SART3: variants seen among roughly 807,000 people sequenced by gnomAD.
SART3 encodes the protein spliceosome associated factor 3, U4/U6 recycling protein.
In SART3, 44 loss-of-function variants were observed where a neutral mutation model predicts 122.3. The observed-to-expected ratio is 0.36, with a 90% CI of 0.28 to 0.46. SART3 has a LOEUF of 0.46. Among genes scored for constraint, SART3 ranks in the 20% least tolerant of loss-of-function variants. SART3 has a pLI of 1.00. For missense variants in SART3, 1,101 were observed against 1,229.0 expected, an observed-to-expected ratio of 0.90 and a Z score of 1.56; for synonymous variants, 442 against 454.0, an observed-to-expected ratio of 0.97 and a Z score of 0.34.
rs576034988 is a variant in SART3, at chr12:108,549,189, T to C, written c.338A>G (p.Asn113Ser). The change falls in exon 2 of 19, where the codon AAC (asparagine) becomes AGC (serine). Residue 113 changes from asparagine to serine, a missense_variant. Coordinates refer to ENST00000546815, the MANE Select transcript of SART3 (RefSeq NM_014706.4). The part of the protein sequence containing the change: ...EQLSINVYDY[N>S]CHVDLIRLLR... ...CAGTCTGATCAAGTCCACATGGCAG[T>C]TGTAGTCATAGACGTTGATAGACAA... 17 of 1,614,222 alleles carry C rather than the reference T, an allele frequency of 1.1e-5. No individual in the cohort carries two copies. The East Asian group carries it at 1.1e-4, about 11-fold the overall frequency.
At chr12:108,527,614 A>G (rs1388911761) in intron 15 of SART3, among the ~76,000 whole-genome samples, 2 of 152,240 alleles carry the variant, frequency 1.3e-5, no homozygotes, top group Non-Finnish European at 2.9e-5. Context: ...TGGAGCAATG[A>G]GCCATCCTCA....
intron 1 of SART3, among the ~76,000 whole-genome samples, chr12:108,556,373 C>T (rs2030219175): frequency 6.6e-6 from 1 of 152,202 alleles, no homozygotes; most frequent in African/African-American, 2.4e-5. Context: ...GCTAGGACTA[C>T]AGGTGTGAGC....
At position 108,539,085 on chromosome 12, in the gene SART3, T is replaced by C; in HGVS notation, c.911A>G (p.Gln304Arg). ...TTCTGCCAGCCTTGGTGCCTCTGCC[T>C]GCAACTGGAGTACAGGAAAATTGTA... ...KYKPYEEALL[Q>R]AEAPRLAEYQ... Residue 304 changes from glutamine (Q) to arginine (R), a missense_variant, in exon 7 of 19, where the codon CAG becomes CGG. Gln to Arg is a conservative substitution (Grantham distance 43). Coordinates refer to ENST00000546815, the MANE Select transcript of SART3 (RefSeq NM_014706.4). 1 of 1,614,166 alleles carries C rather than the reference T, an allele frequency of 6.2e-7. No homozygotes were observed. Among genetic ancestry groups the C allele is most frequent in the East Asian group, 2.2e-5 (1 of 44,888 alleles).
rs371102614 is a variant in SART3, at chr12:108,561,112, C to T, written c.43G>A (p.Glu15Lys). 24 of 1,613,760 alleles carry T rather than the reference C, an allele frequency of 1.5e-5. No homozygotes were observed. The African/African-American group carries it at 2.7e-4, about 18-fold the overall frequency. The change falls in exon 1 of 19, where the codon GAG becomes AAG. Residue 15 changes from glutamate to lysine, a missense_variant. This residue lies in a region of SART3 where 216 missense variants were observed against 148.9 expected (regional missense o/e 1.45). Coordinates refer to ENST00000546815, the MANE Select transcript of SART3 (RefSeq NM_014706.4). The part of the protein sequence containing the change: ...AETSASEPEA[E>K]SKAGPKADGE... ...TCAGCCTTGGGCCCAGCCTTGGACT[C>T]AGCCTCGGGTTCTGAAGCCGAGGTT...
chr12:108,546,580 GCACAATCTCGGCC>G (rs1259725711), intron 3 of SART3, among the ~76,000 whole-genome samples: 1 of 150,200 alleles, frequency 6.7e-6, no homozygotes, highest in East Asian at 2.0e-4. Flanking sequence ...GAGTACAGTG[GCACAATCTCGGCC>G]CACTGCAACC....
intron 1 of SART3, among the ~76,000 whole-genome samples, chr12:108,551,082 A>C (rs2029990552): frequency 6.6e-6 from 1 of 152,222 alleles, no homozygotes; most frequent in Admixed American, 6.5e-5. Context: ...CTATATGGTG[A>C]GTACAAGAAA....
At chr12:108,545,928 A>G (rs1042470501) in intron 3 of SART3, among the ~76,000 whole-genome samples, 6 of 143,200 alleles carry the variant, frequency 4.2e-5, no homozygotes, top group African/African-American at 1.5e-4. Flanking sequence ...AGATCACACC[A>G]CTGCACTCCA....
chr12:108,551,345 A>C (rs2030001433), intron 1 of SART3, among the ~76,000 whole-genome samples: 1 of 152,224 alleles, frequency 6.6e-6, no homozygotes, highest in Admixed American at 6.5e-5. Context: ...TTCATGAAGC[A>C]AAAACTATTA....
At chr12:108,527,025 T>C (rs918631796) in intron 15 of SART3, among the ~76,000 whole-genome samples, 2 of 152,236 alleles carry the variant, frequency 1.3e-5, no homozygotes, top group Non-Finnish European at 2.9e-5. Flanking sequence ...TATGGCCTTG[T>C]GTCCTTAAGA....
intron 1 of SART3, among the ~76,000 whole-genome samples, chr12:108,552,546 A>AAC (rs2030053635): frequency 6.6e-6 from 1 of 151,738 alleles, no homozygotes; most frequent in African/African-American, 2.4e-5. Flanking sequence ...CAAAAACAAA[A>AAC]AAAAAAACAA....
At position 108,530,724 on chromosome 12, in the gene SART3, A is replaced by G. The variant is rs1872643215; in HGVS notation, c.1747-414T>C. On this transcript the variant is annotated intron_variant, in intron 14 of 18. Coordinates refer to ENST00000546815, the MANE Select transcript of SART3 (RefSeq NM_014706.4). ...ATACAAAAAATTAGCTAGGTGTGGT[A>G]GCGGGCACCTGTAGTCCCAGCTACT... 2.0e-5 allele frequency among the ~76,000 whole-genome samples: 3 copies of G among 152,112 alleles called. No homozygotes were observed. The South Asian group carries it at 6.2e-4, about 32-fold the overall frequency.
At position 108,560,891 on chromosome 12, in the gene SART3, G is replaced by A. The variant is rs374348997; in HGVS notation, c.264C>T (p.Asp88=). The change falls in exon 1 of 19, where the codon GAC becomes GAT. Residue 88 remains aspartate (D), a synonymous_variant. Transcript: ENST00000546815. ...CCAGCTGGTTTTTCTCCTCCTCTTC[G>A]TCATATTCCCACTCGTACTCCCCGG... ...SSPGEYEWEY[D]EEEEKNQLEI... is the part of the protein sequence containing the mutation. 22 of 1,610,352 alleles carry A rather than the reference G, an allele frequency of 1.4e-5. No individual in the cohort carries two copies. The highest frequency in any genetic ancestry group is 1.3e-5 in the African/African-American group (1 of 74,794).
intron 1 of SART3, among the ~76,000 whole-genome samples, chr12:108,554,396 A>C (rs564470579): frequency 6.6e-6 from 1 of 152,254 alleles, no homozygotes; most frequent in African/African-American, 2.4e-5. Flanking sequence ...TAAAGAGAAC[A>C]ATACATAATG....
chr12:108,544,918 T>C lies in SART3; in HGVS notation c.729+221A>G, dbSNP rs1873332348. 9.8e-6 allele frequency: 6 copies of C among 614,826 alleles called. No individual in the cohort carries two copies. In the South Asian group the frequency reaches 1.2e-4, roughly 12 times the overall value. The allele number at this position is 614,826 out of a possible 1,614,324, so 38.1% of individuals were successfully genotyped here. A position where few individuals can be genotyped will look rare whatever the true frequency, so the allele number is the denominator to read the frequency against. Reference sequence around the variant, plus strand: ...ATCTCAACAAATTTTCAGTTCAAGCTAAAAAAATTTATACGACCTCTTCCA... The same window carrying C: ...ATCTCAACAAATTTTCAGTTCAAGCCAAAAAAATTTATACGACCTCTTCCA... On this transcript the variant is annotated intron_variant, in intron 4 of 18. Coordinates refer to ENST00000546815, the MANE Select transcript of SART3 (RefSeq NM_014706.4).
At chr12:108,557,171 G>A (rs7134673) in intron 1 of SART3, among the ~76,000 whole-genome samples, 110,471 of 148,466 alleles carry the variant, frequency 0.74, 42,870 homozygotes, top group East Asian at 0.92. Context: ...ACATATGCTG[G>A]TCTATTCTGG....
At chr12:108,547,768 G>A in intron 3 of SART3, 119 bp downstream of exon 3, 1 of 726,762 alleles carries the variant, frequency 1.4e-6, no homozygotes, top group South Asian at 1.5e-5. Flanking sequence ...CTTAAATCTT[G>A]CTAATTGTGA....
intron 11 of SART3, 152 bp from the exon 12 acceptor site, chr12:108,535,620 G>GT: frequency 5.6e-6 from 4 of 715,144 alleles, no homozygotes; most frequent in Non-Finnish European, 1.0e-5. Flanking sequence ...CCCTCCAGTG[G>GT]TAAACGACCC....
intron 18 of SART3, chr12:108,523,946 A>G: frequency 1.8e-6 from 1 of 560,404 alleles, no homozygotes. Flanking sequence ...ATCCCAAACC[A>G]GCGAACAGCA....
intron 16 of SART3, chr12:108,525,858 C>A: frequency 1.6e-6 from 1 of 619,594 alleles, no homozygotes. Context: ...AGTCAATGAG[C>A]TGACACACAT....
Sources: allele counts gnomAD v4.1 joint callset (sites outside exome capture counted in the v4.1 genomes callset), GRCh38; gene constraint gnomAD v4.1.1; regional missense constraint gnomAD v4.1.1; transcripts MANE v1.5; gene names NCBI Gene and HGNC (gene_info 2026-07-23, HGNC 2026-07-21).